Variants in PTBP3 observed in about 807,000 individuals in gnomAD.
PTBP3 encodes polypyrimidine tract-binding protein 3.
Under a neutral mutation model 58.7 loss-of-function variants are expected in PTBP3, and 20 were observed. That is an observed-to-expected ratio of 0.34 (90% CI 0.24 to 0.50). The LOEUF (loss-of-function observed/expected upper bound fraction) is 0.50. Among genes scored for constraint, PTBP3 ranks in the 20% least tolerant of loss-of-function variants. PTBP3 has a pLI of 0.98. For missense variants in PTBP3, 509 were observed against 637.2 expected (o/e 0.80, Z 2.17); for synonymous variants, 185 against 219.8 (o/e 0.84, Z 1.40).
chr9:112,270,634 C>T (rs370163165), intron 3 of PTBP3, among the ~76,000 whole-genome samples: 2 of 152,280 alleles, frequency 1.3e-5, no homozygotes, highest in South Asian at 4.1e-4. Context: ...TGACAGACAG[C>T]ATTATCTTAA....
chr9:112,244,818 T>A (rs1835814419), intron 7 of PTBP3, among the ~76,000 whole-genome samples: 1 of 152,022 alleles, frequency 6.6e-6, no homozygotes. Context: ...CCCCAATAGC[T>A]ACTGCTGCTG....
At chr9:112,377,639 A>C in the PTBP3 span, among the ~76,000 whole-genome samples, 1 of 152,220 alleles carries the variant, frequency 6.6e-6, no homozygotes, top group Non-Finnish European at 1.5e-5. Context: ...AGGGATATAA[A>C]TTGGTTGGGA....
chr9:112,327,569 G>C (rs1481757086), intron 1 of PTBP3, among the ~76,000 whole-genome samples: 1 of 151,976 alleles, frequency 6.6e-6, no homozygotes, highest in South Asian at 2.1e-4. Context: ...CTCAAAAAAA[G>C]TACATGAAGA....
rs1835199654 is a variant in PTBP3 at position 112,231,535 on chromosome 9, A to C, written c.1021-122T>G. 6 of 700,542 alleles carry C rather than the reference A, an allele frequency of 8.6e-6. No individual in the cohort carries two copies. In the South Asian group the frequency reaches 1.4e-4, roughly 16 times the overall value. 43.4% of individuals were successfully genotyped at this position (700,542 alleles called of 1,614,324 possible). The stretch of plus-strand genomic sequence containing the variant: ...GCATGGTTTTATATGCTTCTTCCGT[A>C]TATACTAGTGATGAATTTTAATAGA... On this transcript the variant is annotated intron_variant, in intron 9 of 13. Coordinates refer to ENST00000374257, the MANE Select transcript of PTBP3 (RefSeq NM_001163788.4).
At chr9:112,308,351 TAAAAAA>T (rs58071863) in intron 1 of PTBP3, among the ~76,000 whole-genome samples, 6 of 135,078 alleles carry the variant, frequency 4.4e-5, no homozygotes, top group East Asian at 2.4e-4. Context: ...TCCTTTTATT[TAAAAAA>T]AAAAAAAAAA....
At chr9:112,245,530 A>G (rs957822789) in intron 7 of PTBP3, among the ~76,000 whole-genome samples, 1 of 152,222 alleles carries the variant, frequency 6.6e-6, no homozygotes, top group African/African-American at 2.4e-5. Flanking sequence ...ACAGAAACAT[A>G]TATTTATGAA....
intron 2 of PTBP3, among the ~76,000 whole-genome samples, chr9:112,278,153 T>A (rs888237775): frequency 6.6e-6 from 1 of 152,178 alleles, no homozygotes; most frequent in Admixed American, 6.5e-5. Flanking sequence ...AATTTCTTTT[T>A]TTAAACCACA....
At chr9:112,343,000 T>C in the PTBP3 span, among the ~76,000 whole-genome samples, 1 of 152,066 alleles carries the variant, frequency 6.6e-6, no homozygotes, top group African/African-American at 2.4e-5. Context: ...GCATTGCCCA[T>C]ATCTTAGTTT....
the PTBP3 span, among the ~76,000 whole-genome samples, chr9:112,355,652 G>T: frequency 6.7e-6 from 1 of 149,044 alleles, no homozygotes; most frequent in Non-Finnish European, 1.5e-5. Flanking sequence ...GTGGAGGGTG[G>T]GTGTTGGGGA....
rs575376799 is a variant in PTBP3, at chr9:112,284,226, G to A, written c.35-8213C>T. 2.2e-4 allele frequency among the ~76,000 whole-genome samples: 33 copies of A among 152,150 alleles called. 1 individual carries two copies. The highest frequency in any genetic ancestry group is 9.8e-4 in the Admixed American group (15 of 15,276). On this transcript the variant is annotated intron_variant, in intron 2 of 13. Coordinates refer to ENST00000374257, the MANE Select transcript of PTBP3 (RefSeq NM_001163788.4). ...GATCCATTGACAGCTTGCACCATGCGCCTGGAAAAGCCACAGGTACTCAAC... is the reference window on the plus strand; with the variant it reads ...GATCCATTGACAGCTTGCACCATGCACCTGGAAAAGCCACAGGTACTCAAC...
upstream of PTBP3, among the ~76,000 whole-genome samples, chr9:112,336,932 C>T (rs762346932): frequency 2.6e-5 from 4 of 152,132 alleles, no homozygotes; most frequent in Non-Finnish European, 2.9e-5. Flanking sequence ...ACAACAGAAG[C>T]CTAGATATAA....
intron 1 of PTBP3, among the ~76,000 whole-genome samples, chr9:112,301,666 G>A (rs935339592): frequency 2.6e-5 from 4 of 152,126 alleles, no homozygotes; most frequent in African/African-American, 9.7e-5. Context: ...TGATGGATTA[G>A]TTCTATATCT....
At chr9:112,348,221 G>A in the PTBP3 span, among the ~76,000 whole-genome samples, 1 of 152,180 alleles carries the variant, frequency 6.6e-6, no homozygotes, top group Admixed American at 6.5e-5. Context: ...AAGGAATGTC[G>A]GGCGGCCATC....
chr9:112,297,595 A>G (rs1828745308), intron 2 of PTBP3, among the ~76,000 whole-genome samples: 1 of 152,234 alleles, frequency 6.6e-6, no homozygotes, highest in Non-Finnish European at 1.5e-5. Flanking sequence ...ATGTAACACA[A>G]AGAACATCAA....
intron 7 of PTBP3, among the ~76,000 whole-genome samples, chr9:112,249,725 A>G (rs1252536128): frequency 6.6e-6 from 1 of 152,148 alleles, no homozygotes; most frequent in Non-Finnish European, 1.5e-5. Context: ...CTCATAATAC[A>G]GAACATTAAT....
intron 2 of PTBP3, among the ~76,000 whole-genome samples, chr9:112,290,725 C>CACACACACACAG (rs1187296353): frequency 2.0e-5 from 3 of 147,936 alleles, no homozygotes; most frequent in African/African-American, 7.5e-5. Flanking sequence ...CACACACACA[C>CACACACACACAG]ACACACACAC....
the PTBP3 span, chr9:112,379,851 G>A: frequency 3.8e-6 from 2 of 520,328 alleles, no homozygotes; most frequent in Non-Finnish European, 6.8e-6. Flanking sequence ...GCTAGGCGCC[G>A]ACAGGAGCCT....
chr9:112,306,606 T>TTTTG (rs145654803), intron 1 of PTBP3, among the ~76,000 whole-genome samples: 7 of 144,602 alleles, frequency 4.8e-5, no homozygotes, highest in East Asian at 2.0e-4. Context: ...ATATATATAT[T>TTTTG]TTTGTTTGTT....
intron 5 of PTBP3, among the ~76,000 whole-genome samples, chr9:112,253,615 T>A (rs1836224075): frequency 1.3e-5 from 2 of 152,164 alleles, no homozygotes; most frequent in African/African-American, 4.8e-5. Context: ...CCAAATCTCA[T>A]CTCAAATTGT....
Sources: allele counts gnomAD v4.1 joint callset (sites outside exome capture counted in the v4.1 genomes callset), GRCh38; gene constraint gnomAD v4.1.1; transcripts MANE v1.5; gene names NCBI Gene and HGNC (gene_info 2026-07-23, HGNC 2026-07-21).